TRIB2: variants seen among roughly 807,000 people sequenced by gnomAD.
The protein encoded by TRIB2 is tribbles homolog 2.
TRIB2 carries 2 observed loss-of-function variants against 26.8 expected under a neutral mutation model. That is an observed-to-expected ratio of 0.07 (90% CI 0.03 to 0.24). The LOEUF (loss-of-function observed/expected upper bound fraction) is 0.24, where lower values mean the gene tolerates loss of function less well. Ranked by LOEUF, TRIB2 falls within the 10% of genes least tolerant of loss-of-function variation. TRIB2 has a pLI of 1.00. For missense variants in TRIB2, 306 were observed against 449.0 expected (o/e 0.68, Z 2.88); for synonymous variants, 189 against 187.3 (o/e 1.01, Z -0.08).
In TRIB2 at chr2:12,732,319, C is replaced by T. The variant is rs963309085; in HGVS notation, c.564-8007C>T. On this transcript the variant is annotated intron_variant, in intron 2 of 2. Coordinates refer to ENST00000155926, the MANE Select transcript of TRIB2 (RefSeq NM_021643.4). The surrounding 1 kb of genome is among the most constrained non-coding windows in gnomAD (Gnocchi z 4.2). ...TTTGAGTCAGATTGGGTTTCCCATCCCAACTGTGCTATTTCCAAGCAAGTT... is the reference window on the plus strand; with the variant it reads ...TTTGAGTCAGATTGGGTTTCCCATCTCAACTGTGCTATTTCCAAGCAAGTT... 6.6e-6 allele frequency among the ~76,000 whole-genome samples: 1 copy of T among 152,126 alleles called. No individual in the cohort carries two copies. Among genetic ancestry groups the T allele is most frequent in the Non-Finnish European group, 1.5e-5 (1 of 68,012 alleles).
Position 12,717,608 on chromosome 2 carries a change from CTTTTT to C in TRIB2, c.-696_-692del. The C allele has an allele frequency of 2.5e-6, 1 of 396,788 alleles. No individual in the cohort carries two copies. Among genetic ancestry groups the C allele is most frequent in the Non-Finnish European group, 4.4e-6 (1 of 225,354 alleles). The allele number at this position is 396,788 out of a possible 1,614,324, so 24.6% of individuals were successfully genotyped here. On this transcript the variant is annotated 5_prime_UTR_variant, in exon 1 of 3. The change abolishes the stop of an existing upstream ORF in the 5' untranslated region. Coordinates refer to ENST00000155926, the MANE Select transcript of TRIB2 (RefSeq NM_021643.4). This position sits in a 1 kb window ranked among gnomAD's most constrained non-coding sequence, Gnocchi z 4.8. ...AGTTAAATGCTCCCTTGCAATTTTT[CTTTTT>C]TTTGTTTGTTTGTTTAATTTTTGGA...
chr2:12,718,152 G>A lies in TRIB2; in HGVS notation c.-156G>A. ...AGGTATCCGGCGGCGCCCATTTGGG[G>A]GCTTCTAACTCTTTCTCCACGCAGC... On this transcript the variant is annotated 5_prime_UTR_variant, in exon 1 of 3. Coordinates refer to ENST00000155926, the MANE Select transcript of TRIB2 (RefSeq NM_021643.4). This position sits in a 1 kb window ranked among gnomAD's most constrained non-coding sequence, Gnocchi z 4.0. The A allele has an allele frequency of 9.3e-7, 1 of 1,080,726 alleles. No individual in the cohort carries two copies. The highest frequency in any genetic ancestry group is 2.6e-5 in the East Asian group (1 of 38,006). The allele number at this position is 1,080,726 out of a possible 1,614,324, so 66.9% of individuals were successfully genotyped here.
In TRIB2 at chr2:12,718,794, G is replaced by T. The variant is rs978286913; in HGVS notation, c.270+217G>T. Among the ~76,000 whole-genome samples, 2 of 152,150 alleles carry T rather than the reference G, an allele frequency of 1.3e-5. No individual in the cohort carries two copies. Among genetic ancestry groups the T allele is most frequent in the Admixed American group, 6.5e-5 (1 of 15,276 alleles). ...CGGCAGTGGGGGCGTTTCGGGGAGA[G>T]CCCGGGGAGGAGAGGGCGGCGGGAC... On this transcript the variant is annotated intron_variant, in intron 1 of 2. Transcript: ENST00000155926. This position sits in a 1 kb window ranked among gnomAD's most constrained non-coding sequence, Gnocchi z 4.0.
At chr2:12,739,928 G>A (rs993724829) in intron 2 of TRIB2, among the ~76,000 whole-genome samples, 5 of 152,210 alleles carry the variant, frequency 3.3e-5, no homozygotes, top group Admixed American at 3.3e-4. Context: ...GGGCTTCCTG[G>A]TTGGTTAGGT....
At chr2:12,723,705 T>G (rs1661277156) in intron 2 of TRIB2, among the ~76,000 whole-genome samples, 153 bp downstream of exon 2, 2 of 152,176 alleles carry the variant, frequency 1.3e-5, no homozygotes, top group Non-Finnish European at 2.9e-5. Flanking sequence ...ATATTGCAAT[T>G]TTCAAGTGTT....
At chr2:12,737,821 G>C (rs1661615823) in intron 2 of TRIB2, among the ~76,000 whole-genome samples, 1 of 152,098 alleles carries the variant, frequency 6.6e-6, no homozygotes, top group South Asian at 2.1e-4. Flanking sequence ...GTTTAAGATG[G>C]TACATGTTAT....
chr2:12,730,088 T>C (rs1452305915), intron 2 of TRIB2, among the ~76,000 whole-genome samples: 1 of 152,166 alleles, frequency 6.6e-6, no homozygotes. Flanking sequence ...CTGGGGACAC[T>C]ACAGAGCCCA....
intron 2 of TRIB2, among the ~76,000 whole-genome samples, chr2:12,728,661 G>A (rs879632288): frequency 6.6e-5 from 10 of 152,100 alleles, no homozygotes; most frequent in Non-Finnish European, 1.2e-4. Context: ...CATTTCCTCC[G>A]CTTTGTGGAA....
chr2:12,719,742 T>A (rs1323606248), intron 1 of TRIB2, among the ~76,000 whole-genome samples: 1 of 152,176 alleles, frequency 6.6e-6, no homozygotes, highest in African/African-American at 2.4e-5. Context: ...AGTATTTCAT[T>A]GCAAAATTTG....
chr2:12,717,951 C>A lies in TRIB2; in HGVS notation c.-357C>A, dbSNP rs986384060. 2 of 258,274 alleles carry A rather than the reference C, an allele frequency of 7.7e-6. No individual in the cohort carries two copies. The highest frequency in any genetic ancestry group is 1.5e-5 in the Non-Finnish European group (2 of 136,502). The allele number at this position is 258,274 out of a possible 1,614,324, so 16.0% of individuals were successfully genotyped here. ...CTGGGGGTCGCGTCGGGAGCCCTGG[C>A]GCTGCAGCTCCGCACCTTAGCAGCC... On this transcript the variant is annotated 5_prime_UTR_variant, in exon 1 of 3. Transcript: ENST00000155926. This position sits in a 1 kb window ranked among gnomAD's most constrained non-coding sequence, Gnocchi z 4.8.
Position 12,718,894 on chromosome 2 carries a change from G to C in TRIB2, c.270+317G>C, listed in dbSNP as rs193000701. Among the ~76,000 whole-genome samples, 6 of 152,048 alleles carry C rather than the reference G, an allele frequency of 3.9e-5. No homozygotes were observed. Among genetic ancestry groups the C allele is most frequent in the African/African-American group, 1.4e-4 (6 of 41,416 alleles). ...GCGCGAGGCCGGGTCCCGCTGCCCG[G>C]GGGGGATTTCTTCCTGTGTCTAGCC... On this transcript the variant is annotated intron_variant, in intron 1 of 2. Transcript: ENST00000155926. The surrounding 1 kb of genome is among the most constrained non-coding windows in gnomAD (Gnocchi z 4.0).
chr2:12,740,756 G>A lies in TRIB2; in HGVS notation c.994G>A (p.Val332Ile), dbSNP rs760444066. The change falls in exon 3 of 3, where the codon GTC becomes ATC. Residue 332 changes from valine (V) to isoleucine (I), a missense_variant. This residue lies in a region of TRIB2 where 78 missense variants were observed against 104.9 expected (regional missense o/e 0.74). Transcript: ENST00000155926. This position sits in a 1 kb window ranked among gnomAD's most constrained non-coding sequence, Gnocchi z 5.8. ...KEVSDQLVPDVNMEENLDPFF... is the reference protein window; with the variant it reads ...KEVSDQLVPDINMEENLDPFF... ...AGTGTCTGACCAGCTGGTGCCGGAC[G>A]TCAACATGGAAGAGAACTTGGACCC... 3 of 1,614,156 alleles carry A rather than the reference G, an allele frequency of 1.9e-6. No individual in the cohort carries two copies. The highest frequency in any genetic ancestry group is 1.1e-5 in the South Asian group (1 of 91,084).
At chr2:12,739,290 C>T (rs1386453249) in intron 2 of TRIB2, among the ~76,000 whole-genome samples, 1 of 152,150 alleles carries the variant, frequency 6.6e-6, no homozygotes, top group Non-Finnish European at 1.5e-5. Context: ...GACAGAGTCT[C>T]ACTCTGTCAC....
chr2:12,733,991 G>A (rs1008058486), intron 2 of TRIB2, among the ~76,000 whole-genome samples: 13 of 152,198 alleles, frequency 8.5e-5, no homozygotes, highest in African/African-American at 2.9e-4. Flanking sequence ...ACCGGGATCC[G>A]GTGACACAAG....
chr2:12,730,631 A>G (rs569113627), intron 2 of TRIB2, among the ~76,000 whole-genome samples: 6 of 152,234 alleles, frequency 3.9e-5, no homozygotes, highest in African/African-American at 1.4e-4. Context: ...GTTTTTCCCC[A>G]GGGAACTATA....
At chr2:12,736,876 C>T (rs893046266) in intron 2 of TRIB2, among the ~76,000 whole-genome samples, 9 of 152,170 alleles carry the variant, frequency 5.9e-5, no homozygotes, top group African/African-American at 1.7e-4. Context: ...AGGAGGAGGG[C>T]GTGCTCCGTA....
In TRIB2 at chr2:12,717,188, C is replaced by A; in HGVS notation, c.-1120C>A. 1 of 394,366 alleles carries A rather than the reference C, an allele frequency of 2.5e-6. No individual in the cohort carries two copies. The highest frequency in any genetic ancestry group is 4.5e-6 in the Non-Finnish European group (1 of 223,898). 24.4% of individuals were successfully genotyped at this position (394,366 alleles called of 1,614,324 possible). A position where few individuals can be genotyped will look rare whatever the true frequency, so the allele number is the denominator to read the frequency against. On this transcript the variant is annotated 5_prime_UTR_variant, in exon 1 of 3. Transcript: ENST00000155926. The surrounding 1 kb of genome is among the most constrained non-coding windows in gnomAD (Gnocchi z 4.8). ...GACAAGCCGTCAATTTTCTCCAAAA[C>A]AAACCCCACCGGGCAATTTGGTCTC...
In TRIB2 at chr2:12,740,661, A is replaced by G. The variant is rs1429218073; in HGVS notation, c.899A>G (p.Gln300Arg). 1 of 1,614,204 alleles carries G rather than the reference A, an allele frequency of 6.2e-7. No individual in the cohort carries two copies. Among genetic ancestry groups the G allele is most frequent in the Non-Finnish European group, 8.5e-7 (1 of 1,180,034 alleles). The change falls in exon 3 of 3, where the codon CAG becomes CGG. Residue 300 changes from glutamine (Q) to arginine (R), a missense_variant. By Grantham distance (43) the Gln-to-Arg change is conservative. Around this residue, in one of 4 missense-constraint regions of TRIB2, gnomAD observed 78 missense variants for 104.9 expected, o/e 0.74. Coordinates refer to ENST00000155926, the MANE Select transcript of TRIB2 (RefSeq NM_021643.4). The surrounding 1 kb of genome is among the most constrained non-coding windows in gnomAD (Gnocchi z 5.8). ...RREPSERLTSQEILDHPWFST... is the reference protein window; with the variant it reads ...RREPSERLTSREILDHPWFST... Reference sequence around the variant, plus strand: ...GAGCCCTCAGAGCGGCTGACCTCGCAGGAAATTCTGGACCATCCTTGGTTT... The same window carrying G: ...GAGCCCTCAGAGCGGCTGACCTCGCGGGAAATTCTGGACCATCCTTGGTTT...
rs183081182 is a variant in TRIB2 at position 12,737,618 on chromosome 2, A to G, written c.564-2708A>G. ...TAGATCCTTCCTGTTTTTGTAGAAC[A>G]TTAGCTATAGGCGCAGAAGACTATG... On this transcript the variant is annotated intron_variant, in intron 2 of 2. Transcript: ENST00000155926. Among the ~76,000 whole-genome samples the G allele has an allele frequency of 8.9e-4, 135 of 152,318 alleles. 2 individuals are homozygous for G. Among genetic ancestry groups the G allele is most frequent in the Admixed American group, 8.8e-3 (134 of 15,306 alleles).
Sources: gnomAD v4.1 joint callset for allele counts (sites outside exome capture counted in the v4.1 genomes callset) on GRCh38, gnomAD v4.1.1 for gene constraint, gnomAD v4.1.1 regional missense constraint, Gnocchi (gnomAD v3.1) non-coding constraint, MANE v1.5 for transcripts, NCBI Gene and HGNC (gene_info 2026-07-23, HGNC 2026-07-21) for gene names.